The following NR3C2 variants were observed in gnomAD, a reference collection of about 807,000 sequenced individuals.
NR3C2 encodes the protein nuclear receptor subfamily 3 group C member 2.
A neutral mutation model predicts 86.4 loss-of-function variants in NR3C2; 15 were observed. The ratio of observed to expected loss-of-function variants is 0.17; its 90% confidence interval spans 0.12 to 0.27. NR3C2 has a LOEUF of 0.27. NR3C2 is among the 10% of genes least tolerant of loss of function. The pLI is 1.00. For synonymous variants in NR3C2, 458 were observed against 450.5 expected, an observed-to-expected ratio of 1.02 and a Z score of -0.21; for missense variants, 960 against 1,195.6, an observed-to-expected ratio of 0.80 and a Z score of 2.91.
rs77711346 is a variant in NR3C2, at chr4:148,228,884, C to T, written c.1897+31094G>A. Among the ~76,000 whole-genome samples, 1,154 of 152,134 alleles carry T rather than the reference C, an allele frequency of 7.6e-3. 10 individuals carry two copies. The highest frequency in any genetic ancestry group is 0.025 in the African/African-American group (1,029 of 41,506). On this transcript the variant is annotated intron_variant, in intron 3 of 8. Coordinates refer to ENST00000358102, the MANE Select transcript of NR3C2 (RefSeq NM_000901.5). ...ATATCCTTCCACCACAGCCAGACTG[C>T]CGGCAGGAAAGAAAGGCAAACTATC...
chr4:148,272,508 TCTATA>T (rs1483687426), intron 2 of NR3C2, among the ~76,000 whole-genome samples: 1 of 152,182 alleles, frequency 6.6e-6, no homozygotes, highest in African/African-American at 2.4e-5. Context: ...TTTATTTAAG[TCTATA>T]TTCTAGTCTT....
At chr4:148,344,988 T>C (rs1462982825) in intron 2 of NR3C2, among the ~76,000 whole-genome samples, 6 of 152,158 alleles carry the variant, frequency 3.9e-5, no homozygotes, top group African/African-American at 1.2e-4. Context: ...TTGAGAAAAC[T>C]TGGTGTTTTC....
Position 148,081,323 on chromosome 4 carries a change from GTTC to G in NR3C2, c.*18_*20del, listed in dbSNP as rs1244230918. 4 of 1,614,082 alleles carry G rather than the reference GTTC, an allele frequency of 2.5e-6. No individual in the cohort carries two copies. The African/African-American group carries it at 4.0e-5, about 16-fold the overall frequency. On this transcript the variant is annotated 3_prime_UTR_variant, in exon 9 of 9. Transcript: ENST00000358102. The stretch of plus-strand genomic sequence containing the variant: ...ACAACACAGGGAAACTTAAGGCAAA[GTTC>G]TTCTGGGCAGCGGGCAGTCACTTCC...
At chr4:148,286,839 A>C (rs1217449162) in intron 2 of NR3C2, among the ~76,000 whole-genome samples, 9 of 152,008 alleles carry the variant, frequency 5.9e-5, no homozygotes, top group Admixed American at 5.9e-4. Context: ...CTCATAACAT[A>C]ATTTGTGCCA....
At chr4:148,167,820 C>G (rs963417766) in intron 4 of NR3C2, among the ~76,000 whole-genome samples, 4 of 152,194 alleles carry the variant, frequency 2.6e-5, no homozygotes, top group African/African-American at 9.7e-5. Context: ...ACCCCAAACC[C>G]CAATGAACTA....
intron 2 of NR3C2, among the ~76,000 whole-genome samples, chr4:148,321,589 T>C (rs1743595617): frequency 6.6e-6 from 1 of 152,194 alleles, no homozygotes; most frequent in African/African-American, 2.4e-5. Flanking sequence ...ATATTTAGGA[T>C]AGTTAGCTCT....
intron 2 of NR3C2, among the ~76,000 whole-genome samples, chr4:148,348,585 C>T (rs1377255226): frequency 6.6e-6 from 1 of 152,088 alleles, no homozygotes; most frequent in Non-Finnish European, 1.5e-5. Context: ...AATGTAATTA[C>T]ACCTTCCCAG....
At chr4:148,257,526 T>G (rs771954229) in intron 3 of NR3C2, among the ~76,000 whole-genome samples, 6 of 152,178 alleles carry the variant, frequency 3.9e-5, no homozygotes, top group Non-Finnish European at 7.3e-5. Flanking sequence ...GGATTAGGAA[T>G]AGATTGGGTG....
chr4:148,406,780 C>T (rs1748448561), intron 2 of NR3C2, among the ~76,000 whole-genome samples: 1 of 152,274 alleles, frequency 6.6e-6, no homozygotes, highest in South Asian at 2.1e-4. Context: ...CAATTCATTG[C>T]TGTCCAAGAT....
At chr4:148,115,650 C>T (rs866586865) in intron 7 of NR3C2, among the ~76,000 whole-genome samples, 4 of 152,136 alleles carry the variant, frequency 2.6e-5, no homozygotes, top group Non-Finnish European at 4.4e-5. Flanking sequence ...CCCTGTTACC[C>T]TACAAAAAGA....
chr4:148,196,048 C>T (rs1035882232), intron 3 of NR3C2, among the ~76,000 whole-genome samples: 5 of 152,044 alleles, frequency 3.3e-5, no homozygotes, highest in Admixed American at 6.6e-5. Context: ...AGTAGAGAGA[C>T]CAGGGGTAGG....
At chr4:148,297,366 T>C (rs1742103226) in intron 2 of NR3C2, among the ~76,000 whole-genome samples, 1 of 152,346 alleles carries the variant, frequency 6.6e-6, no homozygotes, top group African/African-American at 2.4e-5. Flanking sequence ...AGACTATGCA[T>C]TTTCTTATTT....
intron 2 of NR3C2, among the ~76,000 whole-genome samples, chr4:148,277,261 A>C (rs995329255): frequency 1.3e-5 from 2 of 152,222 alleles, no homozygotes; most frequent in Non-Finnish European, 2.9e-5. Context: ...TGCAATATTA[A>C]GATAACGAAT....
intron 2 of NR3C2, among the ~76,000 whole-genome samples, chr4:148,336,395 A>C (rs1379604989): frequency 6.6e-6 from 1 of 152,216 alleles, no homozygotes; most frequent in Non-Finnish European, 1.5e-5. Flanking sequence ...GAGCCATCAA[A>C]CTCCAAAGGA....
chr4:148,391,801 A>G (rs1239251149), intron 2 of NR3C2, among the ~76,000 whole-genome samples: 1 of 149,194 alleles, frequency 6.7e-6, no homozygotes, highest in Admixed American at 6.8e-5. Flanking sequence ...CGGGAGGCAG[A>G]GGATGCAGTG....
At chr4:148,131,233 G>T (rs529344696) in intron 6 of NR3C2, among the ~76,000 whole-genome samples, 1 of 152,094 alleles carries the variant, frequency 6.6e-6, no homozygotes, top group Admixed American at 6.5e-5. Flanking sequence ...TGTCAATCTC[G>T]CAACAGAGAG....
At chr4:148,243,856 C>A (rs1431990288) in intron 3 of NR3C2, among the ~76,000 whole-genome samples, 1 of 152,130 alleles carries the variant, frequency 6.6e-6, no homozygotes, top group Admixed American at 6.6e-5. Context: ...GCTTTGGTAC[C>A]ATTTCATTAA....
chr4:148,188,927 GTTTT>G (rs770094656), intron 4 of NR3C2, among the ~76,000 whole-genome samples: 1 of 127,304 alleles, frequency 7.9e-6, no homozygotes, highest in Non-Finnish European at 1.7e-5. Context: ...ATTTTGCTGA[GTTTT>G]TTTTTTTTTT....
At chr4:148,133,722 C>A (rs555650062) in intron 6 of NR3C2, among the ~76,000 whole-genome samples, 3 of 152,092 alleles carry the variant, frequency 2.0e-5, no homozygotes, top group Non-Finnish European at 4.4e-5. Flanking sequence ...TAGAGAAGGA[C>A]GTTTACTCTG....
Sources: allele counts gnomAD v4.1 joint callset (sites outside exome capture counted in the v4.1 genomes callset), GRCh38; gene constraint gnomAD v4.1.1; transcripts MANE v1.5; gene names NCBI Gene and HGNC (gene_info 2026-07-23, HGNC 2026-07-21).